Variants in PDE1A observed in about 807,000 individuals in gnomAD.
PDE1A encodes dual specificity calcium/calmodulin-dependent 3',5'-cyclic nucleotide phosphodiesterase 1A.
Under a neutral mutation model 61.7 loss-of-function variants are expected in PDE1A, and 35 were observed. The ratio of observed to expected loss-of-function variants is 0.57; its 90% CI spans 0.43 to 0.75. PDE1A has a LOEUF of 0.75. Ranked by LOEUF, PDE1A falls within the 30% of genes least tolerant of loss-of-function variation. The pLI is 0.00. For synonymous variants in PDE1A, 232 were observed against 213.2 expected, an observed-to-expected ratio of 1.09 and a Z score of -0.77; for missense variants, 597 against 630.6, an observed-to-expected ratio of 0.95 and a Z score of 0.57.
intron 2 of PDE1A, among the ~76,000 whole-genome samples, chr2:182,486,990 A>C (rs1021742189): frequency 1.3e-5 from 2 of 152,198 alleles, no homozygotes; most frequent in Non-Finnish European, 2.9e-5. Context: ...ACAAGTAATA[A>C]ACTGAGAAAA....
intron 2 of PDE1A, among the ~76,000 whole-genome samples, chr2:182,248,552 A>C (rs1001370092): frequency 6.6e-6 from 1 of 152,088 alleles, no homozygotes; most frequent in African/African-American, 2.4e-5. Flanking sequence ...AAATCAGATG[A>C]CATAACTCCC....
At chr2:182,358,694 G>A (rs1327009329) in intron 1 of PDE1A, among the ~76,000 whole-genome samples, 2 of 152,134 alleles carry the variant, frequency 1.3e-5, no homozygotes, top group Admixed American at 6.6e-5. Context: ...GGCTTACTAA[G>A]CGACAGGCAG....
chr2:182,684,341 C>T, the PDE1A span, among the ~76,000 whole-genome samples: 1 of 151,992 alleles, frequency 6.6e-6, no homozygotes, highest in African/African-American at 2.4e-5. Flanking sequence ...TATTTTCTAG[C>T]CAATACAGGC....
upstream of PDE1A, among the ~76,000 whole-genome samples, chr2:182,527,692 GT>G (rs1310213558): frequency 6.6e-6 from 1 of 152,020 alleles, no homozygotes; most frequent in Non-Finnish European, 1.5e-5. Flanking sequence ...GTCTAATATG[GT>G]TTGGCTGTGT....
intron 1 of PDE1A, among the ~76,000 whole-genome samples, chr2:182,378,693 A>G (rs1241198001): frequency 6.6e-6 from 1 of 152,202 alleles, no homozygotes; most frequent in African/African-American, 2.4e-5. Flanking sequence ...AATGAGGTCC[A>G]ATATGCAACT....
chr2:182,188,130 A>G (rs1352921004), intron 11 of PDE1A, among the ~76,000 whole-genome samples: 7 of 152,174 alleles, frequency 4.6e-5, no homozygotes. Flanking sequence ...CATTACAGCA[A>G]CAAGCCTCAG....
the PDE1A span, among the ~76,000 whole-genome samples, chr2:182,557,897 G>T: frequency 6.6e-6 from 1 of 152,042 alleles, no homozygotes; most frequent in East Asian, 1.9e-4. Flanking sequence ...GAAAGTAGCT[G>T]GCAGCTATAG....
chr2:182,211,818 T>C (rs920285824), intron 7 of PDE1A, among the ~76,000 whole-genome samples: 8 of 152,240 alleles, frequency 5.3e-5, no homozygotes, highest in African/African-American at 1.4e-4. Flanking sequence ...TGCTGGCATA[T>C]AGAAAAGCAA....
chr2:182,396,275 T>C (rs1701699578), intron 1 of PDE1A, among the ~76,000 whole-genome samples: 1 of 152,300 alleles, frequency 6.6e-6, no homozygotes, highest in Admixed American at 6.5e-5. Flanking sequence ...TGAAGGACAG[T>C]GGTGAAGGGA....
At chr2:182,189,523 T>G (rs1213757098) in intron 10 of PDE1A, among the ~76,000 whole-genome samples, 3 of 152,218 alleles carry the variant, frequency 2.0e-5, no homozygotes, top group Admixed American at 6.5e-5. Context: ...CACCTTTCTA[T>G]CCATTAACCA....
chr2:182,700,924 C>T, the PDE1A span, among the ~76,000 whole-genome samples: 10 of 151,640 alleles, frequency 6.6e-5, no homozygotes, highest in South Asian at 1.7e-3. Context: ...CACACACACA[C>T]GCAAAAAAAG....
At chr2:182,514,388 A>T (rs1690007065) in intron 2 of PDE1A, among the ~76,000 whole-genome samples, 1 of 152,216 alleles carries the variant, frequency 6.6e-6, no homozygotes, top group South Asian at 2.1e-4. Context: ...CCTAAGCAAG[A>T]AGAACAAAGC....
rs199919560 is a variant in PDE1A at position 182,276,946 on chromosome 2, CT to C, written c.54-12533del. On this transcript the variant is annotated intron_variant, in intron 1 of 13. Transcript: ENST00000351439. ...ATTAGGGTGGGGAAAAAATCCCGTC[CT>C]GGTAAATTTGAAGTCAGACCAGTTC... is the stretch of plus-strand genomic sequence containing the variant. Among the ~76,000 whole-genome samples the C allele has an allele frequency of 6.4e-3, 980 of 152,116 alleles. 12 individuals carry two copies. Among genetic ancestry groups the C allele is most frequent in the African/African-American group, 0.022 (919 of 41,530 alleles).
At chr2:182,551,948 G>A in the PDE1A span, among the ~76,000 whole-genome samples, 1 of 152,198 alleles carries the variant, frequency 6.6e-6, no homozygotes, top group Non-Finnish European at 1.5e-5. Context: ...TCTATACTCA[G>A]AGAAGCTAGA....
In PDE1A at chr2:182,471,502, G is replaced by C. The variant is rs1165681361; in HGVS notation, c.101+50774C>G. ...ACTAGTTTTTGAGTGTAGGATAGAA[G>C]GTAAGGTAAAAGTTTTCTAAGTGTT... On this transcript the variant is annotated intron_variant, in intron 2 of 14. Transcript: ENST00000410103. Among the ~76,000 whole-genome samples, 3 of 151,654 alleles carry C rather than the reference G, an allele frequency of 2.0e-5. No individual in the cohort carries two copies. The Admixed American group carries it at 2.0e-4, about 10-fold the overall frequency.
At chr2:182,261,938 T>C (rs1392956046) in intron 2 of PDE1A, among the ~76,000 whole-genome samples, 2 of 152,184 alleles carry the variant, frequency 1.3e-5, no homozygotes, top group Non-Finnish European at 2.9e-5. Flanking sequence ...CAAGGACAGA[T>C]TGAATAAATC....
chr2:182,508,653 T>C (rs1413232123), intron 2 of PDE1A, among the ~76,000 whole-genome samples: 1 of 151,272 alleles, frequency 6.6e-6, no homozygotes, highest in East Asian at 1.9e-4. Flanking sequence ...TAGCATAGCA[T>C]TTTTAACACA....
At chr2:182,603,322 G>A in the PDE1A span, among the ~76,000 whole-genome samples, 1 of 152,084 alleles carries the variant, frequency 6.6e-6, no homozygotes, top group African/African-American at 2.4e-5. Context: ...CACAGAAGAG[G>A]TGAGTTGAAG....
At position 182,206,037 on chromosome 2, in the gene PDE1A, G is replaced by C. The variant is rs146577618; in HGVS notation, c.805C>G (p.Arg269Gly). Residue 269 changes from arginine (R) to glycine (G), a missense_variant, in exon 8 of 14, where the codon CGC (arginine) becomes GGC (glycine). Arg to Gly is a moderately radical substitution (Grantham distance 125). Transcript: ENST00000351439. ...ACGTGGTGATTCTCAAGGACAGAGC[G>C]ATCATTATACAAAATGGCAACATCT... is the stretch of plus-strand genomic sequence containing the variant. 76 of 1,609,762 alleles carry C rather than the reference G, an allele frequency of 4.7e-5. No individual in the cohort carries two copies. The Middle Eastern group carries it at 8.2e-4, about 17-fold the overall frequency.
Sources: allele counts gnomAD v4.1 joint callset (sites outside exome capture counted in the v4.1 genomes callset), GRCh38; gene constraint gnomAD v4.1.1; transcripts MANE v1.5; gene names NCBI Gene and HGNC (gene_info 2026-07-23, HGNC 2026-07-21).